PARD3: variants seen among roughly 807,000 people sequenced by gnomAD.
PARD3 encodes the protein partitioning defective 3 homolog.
A neutral mutation model predicts 155.4 loss-of-function variants in PARD3; 75 were observed. That is an observed-to-expected ratio of 0.48 (90% CI 0.40 to 0.58). The LOEUF is 0.58. PARD3 is among the 20% of genes least tolerant of loss of function. The probability of loss-of-function intolerance (pLI) is 0.00; values close to 1 mark genes in which losing one functional copy is unlikely to be tolerated. For missense variants in PARD3, 1,642 were observed against 1,721.7 expected (o/e 0.95, Z 0.82); for synonymous variants, 576 against 610.5 (o/e 0.94, Z 0.83).
intron 7 of PARD3, among the ~76,000 whole-genome samples, chr10:34,384,543 G>A (rs1169255435): frequency 6.6e-6 from 1 of 152,156 alleles, no homozygotes; most frequent in East Asian, 1.9e-4. Flanking sequence ...AACAGAGCCC[G>A]CCTAATGGTT....
chr10:34,624,335 G>A (rs1322758934), intron 2 of PARD3, among the ~76,000 whole-genome samples: 1 of 152,162 alleles, frequency 6.6e-6, no homozygotes, highest in Non-Finnish European at 1.5e-5. Flanking sequence ...ACAGCTGTGA[G>A]GAAAGAACTT....
intron 5 of PARD3, among the ~76,000 whole-genome samples, chr10:34,421,967 T>C (rs1241145380): frequency 6.6e-6 from 1 of 152,002 alleles, no homozygotes; most frequent in Non-Finnish European, 1.5e-5. Flanking sequence ...AAGTGAAGAC[T>C]TGAAGGACCC....
intron 5 of PARD3, among the ~76,000 whole-genome samples, chr10:34,439,922 A>G (rs2132643966): frequency 1.3e-5 from 2 of 152,310 alleles, no homozygotes; most frequent in South Asian, 4.1e-4. Context: ...CACAGGAAAA[A>G]AAAATTCAAA....
chr10:34,790,081 TTAA>T, intron 1 of PARD3, among the ~76,000 whole-genome samples: 1 of 152,332 alleles, frequency 6.6e-6, no homozygotes, highest in East Asian at 1.9e-4. Context: ...ATGTTCTGGG[TTAA>T]TTATTGATGA....
In PARD3 at chr10:34,814,879, G is replaced by A. The variant is rs750921511; in HGVS notation, c.117C>T (p.Ala39=). 13 of 1,461,994 alleles carry A rather than the reference G, an allele frequency of 8.9e-6. No individual in the cohort carries two copies. The highest frequency in any genetic ancestry group is 1.2e-5 in the Non-Finnish European group (13 of 1,087,890). 90.6% of individuals were successfully genotyped at this position (1,461,994 alleles called of 1,614,324 possible). The change falls in exon 1 of 25, where the codon GCC becomes GCT. Residue 39 remains alanine, a synonymous_variant. Coordinates refer to ENST00000374788, the MANE Select transcript of PARD3 (RefSeq NM_001184785.2). ...GCCCGCGCCCCCGGCCCCTCACCTTGGCGATGGCCTTCCGGTAGCGGGTCA... is the reference window on the plus strand; with the variant it reads ...GCCCGCGCCCCCGGCCCCTCACCTTAGCGATGGCCTTCCGGTAGCGGGTCA... The part of the protein sequence containing the change: ...QAVTRYRKAI[A]KDPNYWIQVH...
At chr10:34,296,798 A>C (rs1247251099) in intron 20 of PARD3, among the ~76,000 whole-genome samples, 5 of 152,202 alleles carry the variant, frequency 3.3e-5, no homozygotes, top group African/African-American at 1.2e-4. Context: ...CTAGAACAAG[A>C]ATACTTTGGG....
chr10:34,165,383 T>C (rs1949481831), intron 22 of PARD3, among the ~76,000 whole-genome samples: 3 of 152,338 alleles, frequency 2.0e-5, no homozygotes, highest in Middle Eastern at 6.8e-3. Context: ...ATCTCTAGCA[T>C]GCCAGAACAT....
At chr10:34,289,806 G>A (rs1170960523) in intron 20 of PARD3, among the ~76,000 whole-genome samples, 3 of 152,142 alleles carry the variant, frequency 2.0e-5, no homozygotes, top group Non-Finnish European at 4.4e-5. Context: ...TTACAATAAT[G>A]CGTTACAAAT....
At chr10:34,769,791 C>CAAAA (rs1315957949) in intron 1 of PARD3, among the ~76,000 whole-genome samples, 2 of 27,760 alleles carry the variant, frequency 7.2e-5, no homozygotes, top group African/African-American at 1.9e-4. Context: ...AACAAACGAA[C>CAAAA]AAAAAAACAA....
intron 22 of PARD3, among the ~76,000 whole-genome samples, chr10:34,246,991 G>A (rs1953994578): frequency 6.6e-6 from 1 of 152,104 alleles, no homozygotes; most frequent in African/African-American, 2.4e-5. Context: ...GGAGGCTGAG[G>A]TGGGAGGACT....
intron 22 of PARD3, among the ~76,000 whole-genome samples, chr10:34,190,629 C>A (rs1231653855): frequency 6.6e-6 from 1 of 152,160 alleles, no homozygotes; most frequent in Non-Finnish European, 1.5e-5. Context: ...TCTCACCCAA[C>A]ACAATTTCTG....
At chr10:34,376,414 G>T (rs1209207186) in intron 10 of PARD3, among the ~76,000 whole-genome samples, 2 of 152,090 alleles carry the variant, frequency 1.3e-5, no homozygotes, top group African/African-American at 4.8e-5. Context: ...GCCAGAAAAG[G>T]ACAGATATTT....
At chr10:34,322,073 T>C (rs1424224984) in intron 19 of PARD3, among the ~76,000 whole-genome samples, 1 of 152,158 alleles carries the variant, frequency 6.6e-6, no homozygotes, top group Non-Finnish European at 1.5e-5. Flanking sequence ...TGTCCAGGAA[T>C]GCAACCTAGC....
intron 2 of PARD3, among the ~76,000 whole-genome samples, chr10:34,683,248 G>A (rs954930547): frequency 9.2e-5 from 14 of 152,060 alleles, no homozygotes; most frequent in Admixed American, 3.3e-4. Flanking sequence ...AGTGGGAGGC[G>A]GGGAGAGAAG....
intron 2 of PARD3, among the ~76,000 whole-genome samples, chr10:34,596,441 G>A (rs914789677): frequency 2.6e-5 from 4 of 152,102 alleles, no homozygotes. Flanking sequence ...GACTCAGCAA[G>A]CTTACAATCA....
At chr10:34,602,283 T>A (rs946435640) in intron 2 of PARD3, among the ~76,000 whole-genome samples, 3 of 152,240 alleles carry the variant, frequency 2.0e-5, no homozygotes, top group African/African-American at 7.2e-5. Context: ...ATTAGTCCAT[T>A]TCTTTTTTTC....
At chr10:34,482,338 A>G (rs1179327838) in intron 3 of PARD3, among the ~76,000 whole-genome samples, 7 of 151,726 alleles carry the variant, frequency 4.6e-5, no homozygotes, top group African/African-American at 1.7e-4. Flanking sequence ...GACCTGGCTA[A>G]TGTTTCTATT....
chr10:34,474,256 G>A (rs921392573), intron 3 of PARD3, among the ~76,000 whole-genome samples: 1 of 152,164 alleles, frequency 6.6e-6, no homozygotes, highest in African/African-American at 2.4e-5. Flanking sequence ...TGGAAGTGCT[G>A]TAAGACCTGA....
At chr10:34,641,685 C>T (rs1018828887) in intron 2 of PARD3, among the ~76,000 whole-genome samples, 1 of 152,156 alleles carries the variant, frequency 6.6e-6, no homozygotes, top group Non-Finnish European at 1.5e-5. Context: ...CGGAGCACCA[C>T]GCATGGCTGG....
Sources: gnomAD v4.1 joint callset for allele counts (sites outside exome capture counted in the v4.1 genomes callset) on GRCh38, gnomAD v4.1.1 for gene constraint, MANE v1.5 for transcripts, NCBI Gene and HGNC (gene_info 2026-07-23, HGNC 2026-07-21) for gene names.